Variants in ATRNL1 observed in about 807,000 individuals in gnomAD.
ATRNL1 encodes attractin-like protein 1.
Under a neutral mutation model 182.7 loss-of-function variants are expected in ATRNL1, and 95 were observed. The observed-to-expected ratio is 0.52, with a 90% CI of 0.44 to 0.62. The LOEUF is 0.62. Ranked by LOEUF, ATRNL1 falls within the 20% of genes least tolerant of loss-of-function variation. ATRNL1 has a pLI of 0.00. For missense variants in ATRNL1, 1,471 were observed against 1,679.5 expected (o/e 0.88, Z 2.17); for synonymous variants, 576 against 568.3 (o/e 1.01, Z -0.19).
intron 19 of ATRNL1, among the ~76,000 whole-genome samples, chr10:115,381,432 A>ATTTTTTTTTTTTTTTT (rs375127246): frequency 0.023 from 1,591 of 68,386 alleles, 330 homozygotes; most frequent in Non-Finnish European, 0.036. Context: ...ATACCTGGCA[A>ATTTTTTTTTTTTTTTT]TTTTTTTTTT....
intron 24 of ATRNL1, among the ~76,000 whole-genome samples, chr10:115,487,354 T>C (rs1363264265): frequency 1.3e-5 from 2 of 152,162 alleles, no homozygotes; most frequent in African/African-American, 2.4e-5. Context: ...ATCACAAGAC[T>C]GATTCTTCCT....
intron 15 of ATRNL1, among the ~76,000 whole-genome samples, chr10:115,294,315 A>T (rs1853071390): frequency 6.6e-6 from 1 of 152,174 alleles, no homozygotes; most frequent in South Asian, 2.1e-4. Context: ...GCAAGATCCC[A>T]TCTCTGTTAA....
intron 18 of ATRNL1, among the ~76,000 whole-genome samples, chr10:115,326,305 G>A (rs1554933199): frequency 6.6e-6 from 1 of 152,036 alleles, no homozygotes; most frequent in Non-Finnish European, 1.5e-5. Context: ...CAAACAGAGA[G>A]CCAAATCATG....
At chr10:115,399,987 G>T (rs965383539) in intron 20 of ATRNL1, among the ~76,000 whole-genome samples, 4 of 151,966 alleles carry the variant, frequency 2.6e-5, no homozygotes, top group African/African-American at 9.7e-5. Context: ...CATTAACAGA[G>T]TAAACAGCCT....
intron 18 of ATRNL1, among the ~76,000 whole-genome samples, chr10:115,325,185 T>A (rs532412260): frequency 2.0e-4 from 31 of 152,282 alleles, no homozygotes; most frequent in African/African-American, 7.2e-4. Context: ...TGAGGAGCCA[T>A]CTGGAGTGGT....
intron 19 of ATRNL1, among the ~76,000 whole-genome samples, chr10:115,362,162 T>C (rs1336063270): frequency 1.3e-5 from 2 of 152,038 alleles, no homozygotes; most frequent in African/African-American, 2.4e-5. Flanking sequence ...TAGGGCTTTT[T>C]TGTGAGAAAA....
chr10:115,103,067 A>G (rs1382697422), intron 1 of ATRNL1, among the ~76,000 whole-genome samples: 1 of 138,008 alleles, frequency 7.2e-6, no homozygotes, highest in Non-Finnish European at 1.5e-5. Flanking sequence ...AGATGGAGTC[A>G]TGCTCTGTCA....
intron 26 of ATRNL1, among the ~76,000 whole-genome samples, chr10:115,591,616 A>G (rs1210575238): frequency 6.6e-6 from 1 of 152,220 alleles, no homozygotes; most frequent in Non-Finnish European, 1.5e-5. Flanking sequence ...CCATGCAGAA[A>G]CATGAAATAT....
At position 115,390,136 on chromosome 10, in the gene ATRNL1, G is replaced by A. The variant is rs554064728; in HGVS notation, c.3176-4523G>A. ...GTATGGGTTGTGAATATTTTCTCCC[G>A]GTATGTGGATTGTCTCTTTACTCTA... On this transcript the variant is annotated intron_variant, in intron 19 of 28. Coordinates refer to ENST00000355044, the MANE Select transcript of ATRNL1 (RefSeq NM_207303.4). Among the ~76,000 whole-genome samples the A allele has an allele frequency of 5.9e-5, 9 of 151,984 alleles. No homozygotes were observed. The East Asian group carries it at 7.7e-4, about 13-fold the overall frequency.
intron 19 of ATRNL1, among the ~76,000 whole-genome samples, chr10:115,358,479 A>ATT (rs1185804426): frequency 6.6e-6 from 1 of 151,308 alleles, no homozygotes; most frequent in Non-Finnish European, 1.5e-5. Context: ...TCAATAATAC[A>ATT]TTTTCCTTGT....
intron 9 of ATRNL1, among the ~76,000 whole-genome samples, chr10:115,219,194 T>A (rs1554896847): frequency 1.4e-5 from 2 of 143,934 alleles, no homozygotes; most frequent in African/African-American, 5.2e-5. Context: ...ATCGCGCCAC[T>A]GCACTCCAGT....
At chr10:115,423,840 A>G (rs1554962369) in intron 20 of ATRNL1, among the ~76,000 whole-genome samples, 1 of 152,162 alleles carries the variant, frequency 6.6e-6, no homozygotes, top group African/African-American at 2.4e-5. Flanking sequence ...CGGAGGTAAC[A>G]CTTTATTACA....
At chr10:115,870,440 G>A (rs1951553514) in intron 28 of ATRNL1, among the ~76,000 whole-genome samples, 1 of 152,166 alleles carries the variant, frequency 6.6e-6, no homozygotes, top group Non-Finnish European at 1.5e-5. Flanking sequence ...ATACCAATAT[G>A]TAGCTAGTGC....
At chr10:115,587,112 C>A (rs1592901901) in intron 26 of ATRNL1, among the ~76,000 whole-genome samples, 1 of 149,160 alleles carries the variant, frequency 6.7e-6, no homozygotes, top group Non-Finnish European at 1.5e-5. Context: ...TCTGCCCGTT[C>A]TCAGATCTCC....
At chr10:115,490,991 C>G (rs577688980) in intron 24 of ATRNL1, among the ~76,000 whole-genome samples, 1 of 152,334 alleles carries the variant, frequency 6.6e-6, no homozygotes, top group African/African-American at 2.4e-5. Context: ...TCAGGCCCCT[C>G]TGCTGCAGGT....
At chr10:115,551,707 A>C (rs527540868) in intron 26 of ATRNL1, among the ~76,000 whole-genome samples, 1 of 151,506 alleles carries the variant, frequency 6.6e-6, no homozygotes, top group Non-Finnish European at 1.5e-5. Flanking sequence ...AAAATTCTAA[A>C]TGTTATAGAA....
At chr10:115,403,061 T>C (rs1199885721) in intron 20 of ATRNL1, among the ~76,000 whole-genome samples, 1 of 152,184 alleles carries the variant, frequency 6.6e-6, no homozygotes, top group Non-Finnish European at 1.5e-5. Context: ...CATTTTTCTC[T>C]ATCTTGTTTT....
chr10:115,118,357 T>G (rs1420187641), intron 1 of ATRNL1, among the ~76,000 whole-genome samples: 3 of 152,090 alleles, frequency 2.0e-5, no homozygotes, highest in Non-Finnish European at 4.4e-5. Context: ...TGCTAGACAT[T>G]TTATTTGAAA....
chr10:115,814,736 T>G (rs547868383), intron 27 of ATRNL1, among the ~76,000 whole-genome samples: 1 of 152,294 alleles, frequency 6.6e-6, no homozygotes, highest in Non-Finnish European at 1.5e-5. Context: ...TTTCATTTTA[T>G]GCAGCCTATC....
Sources: allele counts gnomAD v4.1 joint callset (sites outside exome capture counted in the v4.1 genomes callset), GRCh38; gene constraint gnomAD v4.1.1; transcripts MANE v1.5; gene names NCBI Gene and HGNC (gene_info 2026-07-23, HGNC 2026-07-21).